CHD9: variants seen among roughly 807,000 people sequenced by gnomAD.
The protein encoded by CHD9 is chromodomain helicase DNA binding protein 9.
In CHD9, 77 loss-of-function variants were observed where a neutral mutation model predicts 316.1. The observed-to-expected ratio is 0.24, with a 90% CI of 0.20 to 0.29. The LOEUF (loss-of-function observed/expected upper bound fraction) is 0.29, where lower values mean the gene tolerates loss of function less well. Ranked by LOEUF, CHD9 falls within the 10% of genes least tolerant of loss-of-function variation. The pLI, the probability that CHD9 is intolerant of heterozygous loss-of-function variation, is 1.00. For synonymous variants in CHD9, 1,129 were observed against 1,158.3 expected, an observed-to-expected ratio of 0.97 and a Z score of 0.51; for missense variants, 2,763 against 3,438.1, an observed-to-expected ratio of 0.80 and a Z score of 4.91.
At chr16:53,243,347 C>A (rs2049268860) in intron 13 of CHD9, among the ~76,000 whole-genome samples, 1 of 152,150 alleles carries the variant, frequency 6.6e-6, no homozygotes, top group South Asian at 2.1e-4. Context: ...GAGTTTCTCT[C>A]TTGCTGCCCA....
intron 1 of CHD9, among the ~76,000 whole-genome samples, chr16:53,143,436 G>A (rs2040302880): frequency 6.7e-6 from 1 of 149,986 alleles, no homozygotes; most frequent in African/African-American, 2.5e-5. Flanking sequence ...CGCCCAGGCT[G>A]GAGCACAGTG....
intron 1 of CHD9, among the ~76,000 whole-genome samples, chr16:53,103,429 C>T (rs1304038662): frequency 6.6e-6 from 1 of 152,132 alleles, no homozygotes; most frequent in Non-Finnish European, 1.5e-5. Context: ...TGGAGTATCC[C>T]TTGATGGAGA....
intron 1 of CHD9, among the ~76,000 whole-genome samples, chr16:53,131,960 G>C (rs1006624969): frequency 3.3e-5 from 5 of 152,194 alleles, no homozygotes; most frequent in African/African-American, 1.2e-4. Flanking sequence ...GGGACCTGCG[G>C]GATGGCTCCA....
At chr16:53,311,506 A>G (rs940515657) in intron 34 of CHD9, 1 of 152,212 alleles carries the variant, frequency 6.6e-6, no homozygotes, top group African/African-American at 2.4e-5. Context: ...ATATGTACTC[A>G]TAGATTTTAG....
chr16:53,215,662 T>A (rs1046475826), intron 3 of CHD9, among the ~76,000 whole-genome samples: 1 of 152,136 alleles, frequency 6.6e-6, no homozygotes, highest in African/African-American at 2.4e-5. Context: ...ATGAATTGGA[T>A]GTATTAATTA....
At chr16:53,311,844 C>T (rs2056503300) in intron 34 of CHD9, 1 of 152,046 alleles carries the variant, frequency 6.6e-6, no homozygotes, top group Non-Finnish European at 1.5e-5. Flanking sequence ...CTTAATAATC[C>T]CTCTTCTGTT....
At chr16:53,243,947 G>T (rs2049328404) in intron 13 of CHD9, among the ~76,000 whole-genome samples, 1 of 152,038 alleles carries the variant, frequency 6.6e-6, no homozygotes. Flanking sequence ...GTCCATCTAT[G>T]CCACACACCC....
intron 2 of CHD9, among the ~76,000 whole-genome samples, 185 bp from the exon 3 acceptor site, chr16:53,209,297 A>G (rs566944303): frequency 5.3e-5 from 8 of 152,340 alleles, no homozygotes; most frequent in African/African-American, 1.9e-4. Flanking sequence ...AAAAGTAGCA[A>G]TTGAGCTGTT....
At chr16:53,321,895 AATATGTAAGG>A (rs986213972) in intron 38 of CHD9, among the ~76,000 whole-genome samples, 4 of 152,144 alleles carry the variant, frequency 2.6e-5, no homozygotes, top group African/African-American at 9.6e-5. Context: ...TATATGAGCA[AATATGTAAGG>A]ATATTCATCA....
At chr16:53,322,984 A>T (rs899744683) in intron 38 of CHD9, among the ~76,000 whole-genome samples, 4 of 152,184 alleles carry the variant, frequency 2.6e-5, no homozygotes, top group African/African-American at 9.7e-5. Context: ...AAATAAGTTG[A>T]TTCAGTTCAA....
intron 10 of CHD9, among the ~76,000 whole-genome samples, chr16:53,232,206 C>A (rs1428157999): frequency 6.6e-6 from 1 of 152,088 alleles, no homozygotes; most frequent in Non-Finnish European, 1.5e-5. Flanking sequence ...AAATGCTATT[C>A]CTTGAACCAG....
intron 29 of CHD9, among the ~76,000 whole-genome samples, chr16:53,294,674 C>A (rs1410524644): frequency 2.6e-5 from 4 of 152,106 alleles, no homozygotes; most frequent in Non-Finnish European, 5.9e-5. Context: ...TCAGTAGTTA[C>A]AAAATGTCAC....
At chr16:53,294,674 C>T (rs1410524644) in intron 29 of CHD9, among the ~76,000 whole-genome samples, 1 of 152,106 alleles carries the variant, frequency 6.6e-6, no homozygotes, top group Non-Finnish European at 1.5e-5. Context: ...TCAGTAGTTA[C>T]AAAATGTCAC....
chr16:53,321,991 T>G (rs959874798), intron 38 of CHD9, among the ~76,000 whole-genome samples: 1 of 144,618 alleles, frequency 6.9e-6, no homozygotes, highest in Admixed American at 6.9e-5. Flanking sequence ...TTTTTTTCTT[T>G]TTCTTTTTCT....
At chr16:53,237,431 T>A (rs915255842) in intron 11 of CHD9, among the ~76,000 whole-genome samples, 1 of 152,138 alleles carries the variant, frequency 6.6e-6, no homozygotes, top group Non-Finnish European at 1.5e-5. Context: ...TTATTGGATT[T>A]GTTTGAAGAG....
chr16:53,119,020 G>A (rs1447882561), intron 1 of CHD9, among the ~76,000 whole-genome samples: 1 of 152,052 alleles, frequency 6.6e-6, no homozygotes, highest in Non-Finnish European at 1.5e-5. Flanking sequence ...TCGAACTCCT[G>A]ACCTCAAGTG....
chr16:53,264,868 A>G (rs1377509649), intron 20 of CHD9, among the ~76,000 whole-genome samples: 1 of 152,166 alleles, frequency 6.6e-6, no homozygotes, highest in African/African-American at 2.4e-5. Context: ...CAGAATGTGA[A>G]GAGTTAGTGA....
intron 10 of CHD9, among the ~76,000 whole-genome samples, chr16:53,233,817 C>CTGATATTA (rs1218964054): frequency 4.6e-5 from 7 of 152,170 alleles, no homozygotes; most frequent in African/African-American, 9.6e-5. Context: ...AATATCACAC[C>CTGATATTA]TGATTATCCT....
At chr16:53,314,013 G>T (rs1007033166) in intron 34 of CHD9, among the ~76,000 whole-genome samples, 4 of 151,654 alleles carry the variant, frequency 2.6e-5, no homozygotes, top group African/African-American at 7.3e-5. Context: ...GGCACAAAAA[G>T]CAGAGATAAA....
Sources: gnomAD v4.1 joint callset for allele counts (sites outside exome capture counted in the v4.1 genomes callset) on GRCh38, gnomAD v4.1.1 for gene constraint, MANE v1.5 for transcripts, NCBI Gene and HGNC (gene_info 2026-07-23, HGNC 2026-07-21) for gene names.